HDAC9: variants seen among roughly 807,000 people sequenced by gnomAD.
HDAC9 encodes histone deacetylase 9, also known as MEF-2 interacting transcription repressor (MITR) protein.
In HDAC9, 41 loss-of-function variants were observed where a neutral mutation model predicts 139.4. That is an observed-to-expected ratio of 0.29 (90% CI 0.23 to 0.38). HDAC9 has a LOEUF of 0.38. Ranked by LOEUF, HDAC9 falls within the 10% of genes least tolerant of loss-of-function variation. The probability of loss-of-function intolerance (pLI) is 1.00; values close to 1 mark genes in which losing one functional copy is unlikely to be tolerated. For synonymous variants in HDAC9, 517 were observed against 476.2 expected, an observed-to-expected ratio of 1.09 and a Z score of -1.12; for missense variants, 1,147 against 1,297.0, an observed-to-expected ratio of 0.88 and a Z score of 1.78.
At position 18,552,275 on chromosome 7, in the gene HDAC9, T is replaced by A. The variant is rs959316326; in HGVS notation, c.23-33006T>A. ...TATGATCTTGAAAAAGTAGCTAGAT[T>A]TTCAGGTTTTCCTTTTTTTTGAGCC... On this transcript the variant is annotated intron_variant, in intron 2 of 25. Coordinates refer to ENST00000686413, the MANE Select transcript of HDAC9 (RefSeq NM_178425.4). Among the ~76,000 whole-genome samples, 96 of 152,302 alleles carry A rather than the reference T, an allele frequency of 6.3e-4. 2 individuals carry two copies. The highest frequency in any genetic ancestry group is 6.8e-3 in the Middle Eastern group (2 of 294).
intron 2 of HDAC9, among the ~76,000 whole-genome samples, chr7:18,551,471 C>G (rs977190316): frequency 3.9e-5 from 6 of 152,048 alleles, no homozygotes; most frequent in Non-Finnish European, 8.8e-5. Context: ...GTTAAGAAGT[C>G]AGGGAATAGA....
chr7:18,499,151 A>G (rs942460032), intron 2 of HDAC9, among the ~76,000 whole-genome samples: 2 of 151,900 alleles, frequency 1.3e-5, no homozygotes, highest in Non-Finnish European at 2.9e-5. Context: ...GTTGCACAGT[A>G]TGTGATTGAA....
intron 6 of HDAC9, among the ~76,000 whole-genome samples, chr7:18,620,387 G>T (rs1232158445): frequency 1.3e-5 from 2 of 151,624 alleles, no homozygotes; most frequent in Non-Finnish European, 1.5e-5. Flanking sequence ...TGTTAAAAAT[G>T]ATAATTTGTT....
At chr7:18,180,958 T>C (rs1400673152) in intron 2 of HDAC9, among the ~76,000 whole-genome samples, 2 of 152,152 alleles carry the variant, frequency 1.3e-5, no homozygotes, top group Non-Finnish European at 2.9e-5. Flanking sequence ...AGTCTTTGCC[T>C]TTGGGGTCAC....
chr7:18,108,611 C>CTT (rs10708554), intron 1 of HDAC9, among the ~76,000 whole-genome samples: 21 of 82,980 alleles, frequency 2.5e-4, no homozygotes, highest in African/African-American at 6.9e-4. Flanking sequence ...CACTCATCTC[C>CTT]TTTTTTTTTT....
upstream of HDAC9, among the ~76,000 whole-genome samples, chr7:18,492,437 G>A (rs946711304): frequency 6.6e-6 from 1 of 151,844 alleles, no homozygotes; most frequent in Non-Finnish European, 1.5e-5. Flanking sequence ...TGGTAACTTT[G>A]AAATAACATT....
intron 2 of HDAC9, among the ~76,000 whole-genome samples, chr7:18,261,837 G>A (rs1179714858): frequency 6.6e-6 from 1 of 152,182 alleles, no homozygotes; most frequent in Non-Finnish European, 1.5e-5. Context: ...GATTTCGTGT[G>A]TGCATTGTGG....
intron 1 of HDAC9, among the ~76,000 whole-genome samples, chr7:18,444,363 AAAAAG>A (rs1262158525): frequency 1.3e-5 from 2 of 150,170 alleles, no homozygotes; most frequent in African/African-American, 4.9e-5. Context: ...AAAAAAAAAA[AAAAAG>A]AGTGATGTGC....
At chr7:18,527,955 T>C (rs577999786) in intron 2 of HDAC9, among the ~76,000 whole-genome samples, 2 of 152,214 alleles carry the variant, frequency 1.3e-5, no homozygotes, top group African/African-American at 4.8e-5. Flanking sequence ...TAATTTCTAC[T>C]GTAGTTATTT....
At chr7:18,793,512 T>C (rs1336072541) in intron 17 of HDAC9, 60 bp downstream of exon 17, 1 of 1,104,440 alleles carries the variant, frequency 9.1e-7, no homozygotes, top group Non-Finnish European at 1.4e-6. Context: ...ACAGAGATGT[T>C]GTTATGTGGG....
intron 1 of HDAC9, among the ~76,000 whole-genome samples, chr7:18,480,642 T>C (rs1387950396): frequency 6.6e-6 from 1 of 152,052 alleles, no homozygotes; most frequent in Non-Finnish European, 1.5e-5. Flanking sequence ...GGAAAGGAAA[T>C]AGAGTTTTAA....
At chr7:18,845,722 A>G (rs1275470620) in intron 21 of HDAC9, among the ~76,000 whole-genome samples, 1 of 152,090 alleles carries the variant, frequency 6.6e-6, no homozygotes, top group Non-Finnish European at 1.5e-5. Context: ...TTCTTGTAAT[A>G]CTTCACAAAG....
At chr7:18,311,587 CATA>C (rs956683324) in intron 1 of HDAC9, among the ~76,000 whole-genome samples, 2 of 152,102 alleles carry the variant, frequency 1.3e-5, no homozygotes, top group African/African-American at 4.8e-5. Context: ...CCCAAATTTA[CATA>C]ATGAGTGGCA....
chr7:18,860,218 C>T (rs1798007093), intron 21 of HDAC9, among the ~76,000 whole-genome samples: 1 of 151,646 alleles, frequency 6.6e-6, no homozygotes, highest in Non-Finnish European at 1.5e-5. Context: ...TCTTATTGTC[C>T]CTCTGGAGGG....
In HDAC9 at chr7:18,161,667, T is replaced by C. The variant is rs17138704; in HGVS notation, c.-96-562T>C. On this transcript the variant is annotated intron_variant, in intron 1 of 12. Coordinates refer to the HDAC9 transcript ENST00000417496. Reference sequence around the variant, plus strand: ...TGACTCCTAGAAAGGCTATGGTTGCTATTACTTTGGGCTGGAACAAGATTA... The same window carrying C: ...TGACTCCTAGAAAGGCTATGGTTGCCATTACTTTGGGCTGGAACAAGATTA... Among the ~76,000 whole-genome samples the C allele has an allele frequency of 3.3e-3, 499 of 152,320 alleles. 1 individual carries two copies. Among genetic ancestry groups the C allele is most frequent in the African/African-American group, 0.012 (479 of 41,570 alleles).
intron 19 of HDAC9, among the ~76,000 whole-genome samples, chr7:18,829,794 A>T (rs1795725970): frequency 6.6e-6 from 1 of 152,220 alleles, no homozygotes; most frequent in African/African-American, 2.4e-5. Flanking sequence ...AACTTTTATG[A>T]TCCTTAAATG....
At chr7:18,880,312 T>C (rs1044120709) in intron 22 of HDAC9, among the ~76,000 whole-genome samples, 1 of 152,166 alleles carries the variant, frequency 6.6e-6, no homozygotes, top group Non-Finnish European at 1.5e-5. Context: ...ACTGGGCATA[T>C]ACCCAGAGGA....
intron 2 of HDAC9, among the ~76,000 whole-genome samples, chr7:18,520,465 G>A (rs1367061438): frequency 3.3e-5 from 5 of 152,080 alleles, no homozygotes; most frequent in Admixed American, 3.3e-4. Flanking sequence ...AAATGGAGTT[G>A]GTTAATTAAG....
intron 1 of HDAC9, among the ~76,000 whole-genome samples, chr7:18,114,656 G>C (rs1783848169): frequency 6.6e-6 from 1 of 152,184 alleles, no homozygotes; most frequent in Admixed American, 6.5e-5. Flanking sequence ...AGTCCAGGAA[G>C]TAACCCCAGA....
Sources: allele counts gnomAD v4.1 joint callset (sites outside exome capture counted in the v4.1 genomes callset), GRCh38; gene constraint gnomAD v4.1.1; transcripts MANE v1.5; gene names NCBI Gene and HGNC (gene_info 2026-07-23, HGNC 2026-07-21).